PUDP: variants seen among roughly 807,000 people sequenced by gnomAD.
The protein encoded by PUDP is pseudouridine-5'-phosphatase.
In PUDP, 8 loss-of-function variants were observed where a neutral mutation model predicts 9.4. That is an observed-to-expected ratio of 0.85 (90% confidence interval 0.50 to 1.53). The LOEUF (loss-of-function observed/expected upper bound fraction) is 1.53, where lower values mean the gene tolerates loss of function less well. PUDP is among the 40% of genes most tolerant of loss of function. The probability of loss-of-function intolerance (pLI) is 0.00; values close to 1 mark genes in which losing one functional copy is unlikely to be tolerated. For missense variants in PUDP, 188 were observed against 189.7 expected (o/e 0.99, Z 0.05); for synonymous variants, 99 against 80.7 (o/e 1.23, Z -1.22).
intron 3 of PUDP, among the ~76,000 whole-genome samples, chrX:6,923,855 C>G (rs1187823336): frequency 9.0e-6 from 1 of 111,603 alleles, no homozygotes; most frequent in Non-Finnish European, 1.9e-5. Context: ...CAAGGTCATG[C>G]ACCATCTGGT....
intron 3 of PUDP, among the ~76,000 whole-genome samples, chrX:7,054,757 C>T (rs1358275618): frequency 8.9e-6 from 1 of 111,826 alleles, no homozygotes; most frequent in African/African-American, 3.3e-5. Flanking sequence ...TACCTTTCCC[C>T]GACATTTGCC....
At chrX:6,810,687 T>C (rs1431360924) in intron 3 of PUDP, among the ~76,000 whole-genome samples, 9 of 111,807 alleles carry the variant, frequency 8.0e-5, no homozygotes, top group African/African-American at 2.6e-4. Flanking sequence ...TAGCTCCTGA[T>C]TGAACTGAGA....
At chrX:6,716,171 T>G (rs767531923) in intron 1 of PUDP, among the ~76,000 whole-genome samples, 1 of 111,411 alleles carries the variant, frequency 9.0e-6, no homozygotes, top group East Asian at 2.8e-4. Context: ...TCTTCCCCAT[T>G]TTTGAGAAGA....
intron 2 of PUDP, among the ~76,000 whole-genome samples, chrX:7,101,004 C>T (rs1931714257): frequency 8.9e-6 from 1 of 111,828 alleles, no homozygotes; most frequent in Non-Finnish European, 1.9e-5. Context: ...GACCACTGTC[C>T]CTGCACATCA....
At chrX:7,070,371 T>C (rs1930692172) in intron 3 of PUDP, among the ~76,000 whole-genome samples, 2 of 111,163 alleles carry the variant, frequency 1.8e-5, no homozygotes, top group Non-Finnish European at 3.8e-5. Flanking sequence ...GGAGGTGGCC[T>C]TGAGGCTGGA....
At chrX:6,931,766 G>C (rs755429204) in intron 3 of PUDP, among the ~76,000 whole-genome samples, 2 of 111,070 alleles carry the variant, frequency 1.8e-5, no homozygotes, top group Non-Finnish European at 3.8e-5. Context: ...CTGCAGTACC[G>C]GGAGGACGCA....
At chrX:6,817,001 T>C (rs905202230) in intron 3 of PUDP, among the ~76,000 whole-genome samples, 16 of 97,855 alleles carry the variant, frequency 1.6e-4, no homozygotes, top group South Asian at 8.7e-4. Context: ...ATAGTATATA[T>C]AATATATATA....
intron 3 of PUDP, among the ~76,000 whole-genome samples, chrX:6,758,561 C>G (rs1311556512): frequency 9.0e-6 from 1 of 111,573 alleles, no homozygotes; most frequent in Non-Finnish European, 1.9e-5. Context: ...CTTAATGCAA[C>G]CAAGGTAATA....
At chrX:7,030,991 G>C (rs776336371) in intron 1 of PUDP, among the ~76,000 whole-genome samples, 83 of 111,715 alleles carry the variant, frequency 7.4e-4, no homozygotes, top group South Asian at 4.2e-3. Flanking sequence ...ACGAGGGGTT[G>C]ATTATTCATG....
intron 3 of PUDP, among the ~76,000 whole-genome samples, chrX:6,910,766 G>C (rs182111164): frequency 8.9e-6 from 1 of 112,142 alleles, no homozygotes; most frequent in Non-Finnish European, 1.9e-5. Flanking sequence ...CAGAGCACAG[G>C]GTTCAAGGAC....
chrX:6,860,423 A>C (rs1906288252), intron 3 of PUDP, among the ~76,000 whole-genome samples: 1 of 109,860 alleles, frequency 9.1e-6, no homozygotes. Context: ...TACAAGCGTG[A>C]GCCACTGTGC....
intron 3 of PUDP, among the ~76,000 whole-genome samples, chrX:6,895,015 A>G (rs990967326): frequency 1.8e-5 from 2 of 110,955 alleles, no homozygotes; most frequent in Admixed American, 2.0e-4. Context: ...AATGCTGACC[A>G]CCAGAAAAGC....
chrX:6,837,436 T>C (rs1048235992), intron 3 of PUDP, among the ~76,000 whole-genome samples: 2 of 112,899 alleles, frequency 1.8e-5, no homozygotes, highest in Admixed American at 9.3e-5. Flanking sequence ...GTCAGGTGAC[T>C]TTTGTCGCAC....
At chrX:6,876,890 TACATATAG>T (rs982195753) in intron 3 of PUDP, among the ~76,000 whole-genome samples, 2 of 109,581 alleles carry the variant, frequency 1.8e-5, no homozygotes, top group African/African-American at 6.6e-5. Context: ...TAGACACATA[TACATATAG>T]ACATATATAT....
chrX:7,129,868 G>A (rs1162360977), intron 1 of PUDP, among the ~76,000 whole-genome samples: 1 of 111,248 alleles, frequency 9.0e-6, no homozygotes, highest in Non-Finnish European at 1.9e-5. Context: ...GCAGGGCACC[G>A]TCCCGCTCTA....
chrX:6,715,790 C>A (rs1394041736), intron 1 of PUDP, among the ~76,000 whole-genome samples: 1 of 111,303 alleles, frequency 9.0e-6, no homozygotes, highest in Admixed American at 9.5e-5. Context: ...GGATAGAGAT[C>A]CAGAAGTGGG....
intron 3 of PUDP, among the ~76,000 whole-genome samples, chrX:7,065,141 C>G (rs1231954668): frequency 9.0e-6 from 1 of 111,533 alleles, no homozygotes; most frequent in African/African-American, 3.3e-5. Context: ...CCACCTCAGC[C>G]CCCCTGCCCC....
chrX:6,722,185 C>A (rs1569087231), upstream of PUDP, among the ~76,000 whole-genome samples: 1 of 111,095 alleles, frequency 9.0e-6, no homozygotes, highest in African/African-American at 3.3e-5. Flanking sequence ...GTGGCTCACG[C>A]CTGTAATTCT....
At chrX:6,900,200 C>G (rs895972279) in intron 3 of PUDP, among the ~76,000 whole-genome samples, 1 of 110,547 alleles carries the variant, frequency 9.0e-6, no homozygotes, top group Admixed American at 9.7e-5. Flanking sequence ...GGCAAGAGAG[C>G]AAGATTCTCT....
Sources: allele counts gnomAD v4.1 joint callset (sites outside exome capture counted in the v4.1 genomes callset), GRCh38; gene constraint gnomAD v4.1.1; transcripts MANE v1.5; gene names NCBI Gene and HGNC (gene_info 2026-07-23, HGNC 2026-07-21).